The following CPQ variants were observed in gnomAD, a reference collection of about 807,000 sequenced individuals.
The protein encoded by CPQ is Ser-Met dipeptidase.
CPQ carries 37 observed loss-of-function variants against 45.7 expected under a neutral mutation model. The observed-to-expected ratio is 0.81, with a 90% CI of 0.62 to 1.07. The LOEUF is 1.07. CPQ is among the 50% of genes least tolerant of loss of function. CPQ has a pLI of 0.00. For synonymous variants in CPQ, 186 were observed against 205.8 expected (o/e 0.90, Z 0.82); for missense variants, 537 against 572.9 (o/e 0.94, Z 0.64).
At chr8:96,667,551 A>G (rs953653965) in intron 1 of CPQ, among the ~76,000 whole-genome samples, 2 of 151,748 alleles carry the variant, frequency 1.3e-5, no homozygotes, top group African/African-American at 2.4e-5. Flanking sequence ...GGGTTTCACT[A>G]TGTTGGCCAG....
intron 7 of CPQ, among the ~76,000 whole-genome samples, chr8:97,086,495 A>G (rs978403451): frequency 6.6e-6 from 1 of 152,188 alleles, no homozygotes; most frequent in East Asian, 1.9e-4. Context: ...GTTTGATTGC[A>G]GAGTCTGTTT....
At chr8:96,973,816 T>C (rs1238553439) in intron 5 of CPQ, among the ~76,000 whole-genome samples, 3 of 152,072 alleles carry the variant, frequency 2.0e-5, no homozygotes, top group Non-Finnish European at 4.4e-5. Flanking sequence ...GACAAACAAA[T>C]GCTGAGAGAA....
intron 1 of CPQ, among the ~76,000 whole-genome samples, chr8:96,747,419 A>G (rs760448085): frequency 4.6e-5 from 7 of 152,138 alleles, no homozygotes; most frequent in African/African-American, 1.2e-4. Flanking sequence ...AGAAAGGCCT[A>G]CCATTGAGGT....
chr8:97,023,951 G>A (rs146734317), intron 5 of CPQ, among the ~76,000 whole-genome samples: 5 of 152,140 alleles, frequency 3.3e-5, no homozygotes, highest in African/African-American at 1.2e-4. Flanking sequence ...GTGTCACAGG[G>A]TACCCATTTT....
intron 1 of CPQ, among the ~76,000 whole-genome samples, chr8:96,749,914 A>T (rs776462473): frequency 3.3e-5 from 5 of 152,242 alleles, no homozygotes; most frequent in Admixed American, 6.5e-5. Context: ...GTATAAAGAA[A>T]TTTATTTAGA....
At chr8:96,707,184 C>G (rs1468091565) in intron 1 of CPQ, among the ~76,000 whole-genome samples, 1 of 152,094 alleles carries the variant, frequency 6.6e-6, no homozygotes, top group Non-Finnish European at 1.5e-5. Flanking sequence ...AAACAGATCA[C>G]TGTTGCTTAG....
At chr8:96,961,322 T>C (rs1477231200) in intron 4 of CPQ, among the ~76,000 whole-genome samples, 2 of 152,356 alleles carry the variant, frequency 1.3e-5, no homozygotes, top group East Asian at 1.9e-4. Context: ...CCTTTTCAAA[T>C]GCTTGCTGTC....
intron 7 of CPQ, among the ~76,000 whole-genome samples, chr8:97,111,950 C>A (rs1811504076): frequency 6.6e-6 from 1 of 152,058 alleles, no homozygotes; most frequent in Admixed American, 6.6e-5. Flanking sequence ...CTTCTCTTGC[C>A]ATTGTCCACA....
intron 7 of CPQ, among the ~76,000 whole-genome samples, chr8:97,122,653 A>T (rs185598465): frequency 1.9e-3 from 290 of 152,116 alleles, no homozygotes; most frequent in Non-Finnish European, 3.1e-3. Context: ...TGGGAGGCCA[A>T]GGCACGCGGA....
intron 6 of CPQ, among the ~76,000 whole-genome samples, chr8:97,065,249 G>A (rs1346075044): frequency 6.6e-6 from 1 of 152,154 alleles, no homozygotes; most frequent in Non-Finnish European, 1.5e-5. Flanking sequence ...CAATTTAACT[G>A]TGCAACCTGT....
At chr8:97,050,645 G>C (rs568025591) in intron 6 of CPQ, among the ~76,000 whole-genome samples, 3 of 152,166 alleles carry the variant, frequency 2.0e-5, no homozygotes, top group Non-Finnish European at 4.4e-5. Flanking sequence ...CAGAAGGATT[G>C]CGTGAGCCCA....
chr8:96,964,509 TTGTC>T (rs1458822323), intron 4 of CPQ, among the ~76,000 whole-genome samples: 1 of 152,150 alleles, frequency 6.6e-6, no homozygotes, highest in African/African-American at 2.4e-5. Context: ...TCTTTGTGAA[TTGTC>T]TGTTCATATA....
At chr8:97,054,061 C>G (rs1196209411) in intron 6 of CPQ, among the ~76,000 whole-genome samples, 1 of 152,008 alleles carries the variant, frequency 6.6e-6, no homozygotes, top group Non-Finnish European at 1.5e-5. Flanking sequence ...TTTGAGATAT[C>G]AGACTTTCAT....
intron 6 of CPQ, 100 bp from the exon 7 acceptor site, chr8:97,065,909 C>T (rs1408002885): frequency 1.2e-5 from 14 of 1,160,246 alleles, no homozygotes; most frequent in East Asian, 7.6e-5. Context: ...TTGGCACAGC[C>T]GTAAGGAGGT....
At chr8:97,039,680 G>T (rs1586508227) in intron 6 of CPQ, among the ~76,000 whole-genome samples, 1 of 149,018 alleles carries the variant, frequency 6.7e-6, no homozygotes, top group Admixed American at 6.7e-5. Flanking sequence ...TCCCCTTCCT[G>T]TGTCCATGTG....
chr8:96,655,467 C>T (rs1222262549), intron 1 of CPQ, among the ~76,000 whole-genome samples: 1 of 151,942 alleles, frequency 6.6e-6, no homozygotes, highest in Admixed American at 6.6e-5. Flanking sequence ...TCTCAAATTT[C>T]ATTTAATTTT....
intron 1 of CPQ, among the ~76,000 whole-genome samples, chr8:96,646,884 A>T (rs1815525011): frequency 6.6e-6 from 1 of 152,190 alleles, no homozygotes; most frequent in Admixed American, 6.5e-5. Context: ...CACATCTGCA[A>T]CAAGAAAGCC....
At position 96,903,178 on chromosome 8, in the gene CPQ, A is replaced by T. The variant is rs183667968; in HGVS notation, c.849+23173A>T. Among the ~76,000 whole-genome samples, 12 of 152,318 alleles carry T rather than the reference A, an allele frequency of 7.9e-5. No individual in the cohort carries two copies. The East Asian group carries it at 2.3e-3, about 29-fold the overall frequency. On this transcript the variant is annotated intron_variant, in intron 4 of 7. Coordinates refer to ENST00000220763, the MANE Select transcript of CPQ (RefSeq NM_016134.4). The stretch of plus-strand genomic sequence containing the variant: ...GATACTTCAGTTGGCGTTGCTTGGC[A>T]TCTTTTCTTGCCTCACTTTCCTTCT...
At chr8:97,048,786 G>A (rs919450269) in intron 6 of CPQ, among the ~76,000 whole-genome samples, 1 of 152,150 alleles carries the variant, frequency 6.6e-6, no homozygotes, top group Admixed American at 6.5e-5. Context: ...ACAAATTGTT[G>A]GTGCCTCAGG....
Sources: allele counts gnomAD v4.1 joint callset (sites outside exome capture counted in the v4.1 genomes callset), GRCh38; gene constraint gnomAD v4.1.1; transcripts MANE v1.5; gene names NCBI Gene and HGNC (gene_info 2026-07-23, HGNC 2026-07-21).